Variants in GSK3B observed in about 807,000 individuals in gnomAD.
GSK3B encodes glycogen synthase kinase 3 beta, also known as glycogen synthase kinase-3 beta.
A neutral mutation model predicts 56.4 loss-of-function variants in GSK3B; 15 were observed. The ratio of observed to expected loss-of-function variants is 0.27; its 90% CI spans 0.18 to 0.41. The LOEUF (loss-of-function observed/expected upper bound fraction) is 0.41, where lower values mean the gene tolerates loss of function less well. Among genes scored for constraint, GSK3B ranks in the 10% least tolerant of loss-of-function variants. The probability of loss-of-function intolerance (pLI) is 1.00; values close to 1 mark genes in which losing one functional copy is unlikely to be tolerated. For synonymous variants in GSK3B, 181 were observed against 188.9 expected (o/e 0.96, Z 0.34); for missense variants, 300 against 513.4 (o/e 0.58, Z 4.02).
chr3:119,899,520 C>A (rs1056328524), intron 7 of GSK3B, among the ~76,000 whole-genome samples: 1 of 151,988 alleles, frequency 6.6e-6, no homozygotes, highest in African/African-American at 2.4e-5. Flanking sequence ...CAGTCATTTC[C>A]CAATATTGGA....
At chr3:119,970,413 A>G (rs898864011) in intron 2 of GSK3B, among the ~76,000 whole-genome samples, 1 of 152,158 alleles carries the variant, frequency 6.6e-6, no homozygotes, top group Non-Finnish European at 1.5e-5. Context: ...CACCTATTAG[A>G]ATAGCTAAAA....
chr3:120,082,791 T>G (rs144903399), intron 1 of GSK3B, among the ~76,000 whole-genome samples: 1 of 152,332 alleles, frequency 6.6e-6, no homozygotes, highest in Non-Finnish European at 1.5e-5. Flanking sequence ...ATTTTTATAT[T>G]GATTACATCT....
At chr3:120,072,896 G>C (rs75300086) in intron 1 of GSK3B, among the ~76,000 whole-genome samples, 3,944 of 152,130 alleles carry the variant, frequency 0.026, 176 homozygotes, top group African/African-American at 0.089. Flanking sequence ...TTAACTGAAC[G>C]CAAAATTGGT....
At chr3:119,849,997 T>C (rs2055905497) in intron 9 of GSK3B, among the ~76,000 whole-genome samples, 2 of 152,108 alleles carry the variant, frequency 1.3e-5, no homozygotes, top group Non-Finnish European at 2.9e-5. Context: ...GTAAATACTA[T>C]GTAAATAGTT....
In GSK3B at chr3:120,002,193, C is replaced by A. The variant is rs2057683967; in HGVS notation, c.135G>T (p.Gly45=). ...SKVTTVVATP[G]QGPDRPQEVS... ...CTTCTTGTGGCCTGTCTGGACCCTG[C>A]CCAGGAGTTGCCACCACTGTTGTCA... Residue 45 remains glycine (G), a synonymous_variant, in exon 2 of 11, where the codon GGG becomes GGT. Transcript: ENST00000264235. 2 of 1,596,108 alleles carry A rather than the reference C, an allele frequency of 1.3e-6. No homozygotes were observed. The highest frequency in any genetic ancestry group is 1.7e-6 in the Non-Finnish European group (2 of 1,172,940).
chr3:119,830,645 C>T (rs2055584209), intron 10 of GSK3B, among the ~76,000 whole-genome samples: 1 of 152,182 alleles, frequency 6.6e-6, no homozygotes, highest in Non-Finnish European at 1.5e-5. Flanking sequence ...GGATCATTAA[C>T]CCACTCTAGT....
chr3:119,903,581 C>T (rs1040314227), intron 7 of GSK3B, among the ~76,000 whole-genome samples: 3 of 152,004 alleles, frequency 2.0e-5, no homozygotes, highest in Non-Finnish European at 4.4e-5. Context: ...AAATGAATTA[C>T]AAGGACTAAC....
chr3:119,974,631 T>C (rs1466842553), intron 2 of GSK3B, among the ~76,000 whole-genome samples: 2 of 152,222 alleles, frequency 1.3e-5, no homozygotes, highest in Non-Finnish European at 1.5e-5. Flanking sequence ...CCCATGTTTA[T>C]GGTATTTTAG....
chr3:120,043,712 T>C (rs780187470), intron 1 of GSK3B, among the ~76,000 whole-genome samples: 2 of 152,178 alleles, frequency 1.3e-5, no homozygotes, highest in South Asian at 2.1e-4. Flanking sequence ...CATCTCACCA[T>C]TGTAACCCAG....
At chr3:119,963,653 A>G (rs918977199) in intron 2 of GSK3B, among the ~76,000 whole-genome samples, 5 of 150,644 alleles carry the variant, frequency 3.3e-5, no homozygotes, top group African/African-American at 1.2e-4. Flanking sequence ...AAGAAAGAAA[A>G]AAAGAAAAAA....
Position 119,880,077 on chromosome 3 carries a change from C to T in GSK3B, c.814-3569G>A, listed in dbSNP as rs75620025. 7.6e-4 allele frequency among the ~76,000 whole-genome samples: 116 copies of T among 151,836 alleles called. 1 individual carries two copies. In the East Asian group the frequency reaches 0.021, roughly 28 times the overall value. On this transcript the variant is annotated intron_variant, in intron 7 of 10. Transcript: ENST00000264235. ...CCATGGAAGCAGTACTAACTTACAT[C>T]GCCACCAGCAACATAACAAGGATTC...
chr3:119,883,305 T>A (rs1233065720), intron 7 of GSK3B, among the ~76,000 whole-genome samples: 2 of 152,082 alleles, frequency 1.3e-5, no homozygotes, highest in Non-Finnish European at 2.9e-5. Context: ...TATGACAAGG[T>A]CCTCACAATA....
chr3:119,863,173 G>A (rs546649610), intron 9 of GSK3B, among the ~76,000 whole-genome samples: 3 of 152,294 alleles, frequency 2.0e-5, no homozygotes, highest in Admixed American at 1.3e-4. Flanking sequence ...AACTTCTCAT[G>A]TGCCAACATT....
At chr3:119,944,851 T>C (rs1380365977) in intron 3 of GSK3B, among the ~76,000 whole-genome samples, 11 of 152,146 alleles carry the variant, frequency 7.2e-5, no homozygotes, top group Non-Finnish European at 1.2e-4. Flanking sequence ...CTACCAAATA[T>C]AGGACTGCCA....
chr3:119,898,020 T>C (rs1057347445), intron 7 of GSK3B, among the ~76,000 whole-genome samples: 3 of 152,106 alleles, frequency 2.0e-5, no homozygotes, highest in South Asian at 2.1e-4. Context: ...AACCCATACA[T>C]AGTAAGCTGA....
At chr3:120,077,804 T>C (rs984441435) in intron 1 of GSK3B, among the ~76,000 whole-genome samples, 1 of 152,150 alleles carries the variant, frequency 6.6e-6, no homozygotes, top group African/African-American at 2.4e-5. Context: ...TTGCTTACTA[T>C]TGTACAATGA....
chr3:120,037,652 C>CTT lies in GSK3B; in HGVS notation c.89-35415_89-35414dup, dbSNP rs72383335. Among the ~76,000 whole-genome samples, 513 of 146,448 alleles carry CTT rather than the reference C, an allele frequency of 3.5e-3. 1 individual carries two copies. The highest frequency in any genetic ancestry group is 0.012 in the African/African-American group (480 of 40,146). ...AAAATAAAAATAAAGCACTACAGCTCTTTTTTTTTTTACCATCTTACACAT... is the reference window on the plus strand; with the variant it reads ...AAAATAAAAATAAAGCACTACAGCTCTTTTTTTTTTTTTACCATCTTACACAT... On this transcript the variant is annotated intron_variant, in intron 1 of 10. Transcript: ENST00000264235.
intron 1 of GSK3B, among the ~76,000 whole-genome samples, chr3:120,069,981 G>C (rs2107562714): frequency 6.6e-6 from 1 of 152,290 alleles, no homozygotes; most frequent in Admixed American, 6.5e-5. Flanking sequence ...TTGTGAGGCT[G>C]AGGTGGGTGG....
At chr3:119,984,049 A>C (rs994519890) in intron 2 of GSK3B, among the ~76,000 whole-genome samples, 4 of 152,234 alleles carry the variant, frequency 2.6e-5, no homozygotes, top group African/African-American at 9.6e-5. Flanking sequence ...AGGATTAAGA[A>C]ACTCACTCAA....
Sources: allele counts gnomAD v4.1 joint callset (sites outside exome capture counted in the v4.1 genomes callset), GRCh38; gene constraint gnomAD v4.1.1; transcripts MANE v1.5; gene names NCBI Gene and HGNC (gene_info 2026-07-23, HGNC 2026-07-21).